The following SEMA3A variants were observed in gnomAD, a reference collection of about 807,000 sequenced individuals.
SEMA3A encodes semaphorin 3A.
SEMA3A carries 29 observed loss-of-function variants against 97.9 expected under a neutral mutation model. The observed-to-expected ratio is 0.30, with a 90% confidence interval of 0.22 to 0.40. The LOEUF (loss-of-function observed/expected upper bound fraction) is 0.40. SEMA3A is among the 10% of genes least tolerant of loss of function. The probability of loss-of-function intolerance (pLI) is 1.00; values close to 1 mark genes in which losing one functional copy is unlikely to be tolerated. For missense variants in SEMA3A, 763 were observed against 951.3 expected, an observed-to-expected ratio of 0.80 and a Z score of 2.60; for synonymous variants, 321 against 323.7, an observed-to-expected ratio of 0.99 and a Z score of 0.09.
chr7:83,980,377 C>G (rs1432978060), intron 14 of SEMA3A, among the ~76,000 whole-genome samples: 1 of 151,658 alleles, frequency 6.6e-6, no homozygotes, highest in Non-Finnish European at 1.5e-5. Context: ...AAGGCCAAGG[C>G]ATGAGGATCA....
chr7:84,484,779 C>A (rs185780107), intron 1 of SEMA3A, among the ~76,000 whole-genome samples: 1 of 152,246 alleles, frequency 6.6e-6, no homozygotes, highest in East Asian at 1.9e-4. Context: ...TACTGATGCT[C>A]TTAAGACACT....
intron 1 of SEMA3A, among the ~76,000 whole-genome samples, chr7:84,172,157 A>T (rs1797402688): frequency 6.6e-6 from 1 of 152,190 alleles, no homozygotes; most frequent in South Asian, 2.1e-4. Flanking sequence ...GAGCAAAATG[A>T]AAAGCTCAGT....
chr7:84,024,290 G>C (rs1319571870), intron 6 of SEMA3A, among the ~76,000 whole-genome samples: 1 of 151,860 alleles, frequency 6.6e-6, no homozygotes, highest in African/African-American at 2.4e-5. Flanking sequence ...CTGTAATCCC[G>C]GCACCATGGG....
At chr7:84,402,406 T>C (rs751200913) in intron 1 of SEMA3A, among the ~76,000 whole-genome samples, 11 of 152,112 alleles carry the variant, frequency 7.2e-5, no homozygotes, top group Non-Finnish European at 1.6e-4. Context: ...AGAATATAAA[T>C]TAGTACAGCC....
intron 4 of SEMA3A, among the ~76,000 whole-genome samples, chr7:84,061,068 A>G (rs531573766): frequency 6.6e-6 from 1 of 152,310 alleles, no homozygotes; most frequent in Admixed American, 6.5e-5. Context: ...TGTCCTTTGC[A>G]CATCTTTGGT....
At chr7:84,306,029 T>C (rs1009906799) in intron 3 of SEMA3A, among the ~76,000 whole-genome samples, 3 of 151,724 alleles carry the variant, frequency 2.0e-5, no homozygotes, top group African/African-American at 7.3e-5. Context: ...TTTTTGAGGT[T>C]TTTAGTGCTC....
At chr7:84,253,525 C>A (rs998395431) in intron 3 of SEMA3A, among the ~76,000 whole-genome samples, 1 of 151,982 alleles carries the variant, frequency 6.6e-6, no homozygotes, top group African/African-American at 2.4e-5. Context: ...TATATAGTAT[C>A]CATTATGTTA....
chr7:84,284,538 G>A (rs1301391389), intron 3 of SEMA3A, among the ~76,000 whole-genome samples: 2 of 152,252 alleles, frequency 1.3e-5, no homozygotes, highest in South Asian at 4.1e-4. Context: ...ATGGCCAAAT[G>A]TAGAATGGTA....
At chr7:84,054,315 C>A (rs1180866069) in intron 5 of SEMA3A, among the ~76,000 whole-genome samples, 5 of 152,240 alleles carry the variant, frequency 3.3e-5, no homozygotes, top group Non-Finnish European at 7.3e-5. Context: ...TGTTTTCCAA[C>A]TTGGTTCCAT....
At chr7:84,060,028 G>A (rs866082429) in intron 5 of SEMA3A, among the ~76,000 whole-genome samples, 24 of 152,124 alleles carry the variant, frequency 1.6e-4, no homozygotes, top group South Asian at 2.1e-4. Flanking sequence ...AAAGATGATG[G>A]TTACAGAAAA....
At chr7:84,446,044 T>G (rs1426169000) in intron 1 of SEMA3A, among the ~76,000 whole-genome samples, 1 of 152,068 alleles carries the variant, frequency 6.6e-6, no homozygotes, top group Non-Finnish European at 1.5e-5. Context: ...TCTATAGAAA[T>G]AAAATTGATG....
chr7:84,327,400 G>C (rs1225454233), intron 2 of SEMA3A, among the ~76,000 whole-genome samples: 1 of 151,610 alleles, frequency 6.6e-6, no homozygotes, highest in Non-Finnish European at 1.5e-5. Context: ...AAAGGAGAAA[G>C]AGAGAAAGGG....
intron 4 of SEMA3A, among the ~76,000 whole-genome samples, chr7:84,069,027 T>G (rs1793646516): frequency 6.6e-6 from 1 of 152,170 alleles, no homozygotes; most frequent in African/African-American, 2.4e-5. Flanking sequence ...ATGTAAATCT[T>G]CTATATTCTT....
chr7:84,149,674 G>C (rs1317061563), intron 1 of SEMA3A, among the ~76,000 whole-genome samples: 2 of 152,230 alleles, frequency 1.3e-5, no homozygotes, highest in East Asian at 3.9e-4. Flanking sequence ...ATCACAAAAC[G>C]TGATTGTGTA....
intron 1 of SEMA3A, among the ~76,000 whole-genome samples, chr7:84,166,174 G>T (rs1797199433): frequency 6.6e-6 from 1 of 151,870 alleles, no homozygotes; most frequent in South Asian, 2.1e-4. Flanking sequence ...TTCTGGGGAG[G>T]TTGAGGTAGG....
chr7:84,282,564 C>A (rs1487380394), intron 3 of SEMA3A, among the ~76,000 whole-genome samples: 2 of 152,124 alleles, frequency 1.3e-5, no homozygotes, highest in Admixed American at 6.6e-5. Context: ...TTCTCTCATT[C>A]TAACAACCTT....
intron 3 of SEMA3A, among the ~76,000 whole-genome samples, chr7:84,250,104 A>G (rs1799571012): frequency 1.3e-5 from 2 of 152,016 alleles, no homozygotes; most frequent in Admixed American, 1.3e-4. Context: ...ATAATCAGTT[A>G]CTTGCTGGGG....
chr7:84,247,927 T>A (rs1164536421), intron 3 of SEMA3A, among the ~76,000 whole-genome samples: 1 of 152,226 alleles, frequency 6.6e-6, no homozygotes, highest in African/African-American at 2.4e-5. Flanking sequence ...TGATTTACCT[T>A]CTGGATTACA....
chr7:84,140,581 T>C (rs563906176), intron 1 of SEMA3A, among the ~76,000 whole-genome samples: 9 of 152,246 alleles, frequency 5.9e-5, no homozygotes, highest in East Asian at 3.9e-4. Context: ...GTCCTTTTCA[T>C]AGAACAGTCA....
Sources: allele counts gnomAD v4.1 joint callset (sites outside exome capture counted in the v4.1 genomes callset), GRCh38; gene constraint gnomAD v4.1.1; transcripts MANE v1.5; gene names NCBI Gene and HGNC (gene_info 2026-07-23, HGNC 2026-07-21).